PCDHGA9: variants seen among roughly 807,000 people sequenced by gnomAD.
PCDHGA9 encodes the protein protocadherin gamma-A9.
In PCDHGA9, 37 loss-of-function variants were observed where a neutral mutation model predicts 62.5. That is an observed-to-expected ratio of 0.59 (90% CI 0.46 to 0.78). The LOEUF (loss-of-function observed/expected upper bound fraction) is 0.78, where lower values mean the gene tolerates loss of function less well. Among genes scored for constraint, PCDHGA9 ranks in the 30% least tolerant of loss-of-function variants. The probability of loss-of-function intolerance (pLI) is 0.00; values close to 1 mark genes in which losing one functional copy is unlikely to be tolerated. For missense variants in PCDHGA9, 1,138 were observed against 1,166.2 expected (o/e 0.98, Z 0.35); for synonymous variants, 459 against 484.6 (o/e 0.95, Z 0.69).
intron 1 of PCDHGA9, chr5:141,416,389 T>A (rs2096020280): frequency 6.6e-6 from 1 of 152,236 alleles, no homozygotes; most frequent in Non-Finnish European, 1.5e-5. Context: ...TATTTGGGAT[T>A]CTGCTTTTGT....
Position 141,490,293 on chromosome 5 carries a change from A to G in PCDHGA9, c.2425-4514A>G, listed in dbSNP as rs1316965652. On this transcript the variant is annotated intron_variant, in intron 1 of 3. Transcript: ENST00000573521. The surrounding 1 kb of genome is among the most constrained non-coding windows in gnomAD (Gnocchi z 5.4). ...TCAATGACAATGCCCCAGAGGTGCTATTGGCCTCTTTGGCCAACCCTGTCC... is the reference window on the plus strand; with the variant it reads ...TCAATGACAATGCCCCAGAGGTGCTGTTGGCCTCTTTGGCCAACCCTGTCC... The G allele has an allele frequency of 1.2e-6, 2 of 1,614,190 alleles. No individual in the cohort carries two copies. The highest frequency in any genetic ancestry group is 8.5e-7 in the Non-Finnish European group (1 of 1,180,028).
At chr5:141,410,849 CT>C (rs759346998) in intron 1 of PCDHGA9, 9,989 of 137,410 alleles carry the variant, frequency 0.073, 1 homozygote, top group South Asian at 0.15. Context: ...TTGTCTTTGT[CT>C]TTTTTTTTTT....
Position 141,404,614 on chromosome 5 carries a change from C to T in PCDHGA9, c.1662C>T (p.Asp554=). 3.1e-6 allele frequency: 5 copies of T among 1,614,078 alleles called. No individual in the cohort carries two copies. The highest frequency in any genetic ancestry group is 4.2e-6 in the Non-Finnish European group (5 of 1,179,944). Residue 554 remains aspartate (D), a synonymous_variant, in exon 1 of 4, where the codon GAC becomes GAT. Transcript: ENST00000573521. ...SNVSLRLFVL[D]QNDNAPEILY... ...TGTCATTGAGACTGTTTGTTTTGGA[C>T]CAGAATGACAATGCCCCAGAAATCC... is the stretch of plus-strand genomic sequence containing the variant.
rs371490086 is a variant in PCDHGA9 at position 141,405,329 on chromosome 5, G to A, written c.2377G>A (p.Val793Ile). 241 of 1,614,168 alleles carry A rather than the reference G, an allele frequency of 1.5e-4. No individual in the cohort carries two copies. Among genetic ancestry groups the A allele is most frequent in the African/African-American group, 1.1e-3 (80 of 75,034 alleles). ...QSCEKNEPLC[V>I]SVDSKFPIED... The stretch of plus-strand genomic sequence containing the variant: ...CTGTGAGAAAAATGAGCCTTTGTGC[G>A]TCTCTGTTGATTCCAAGTTTCCTAT... The change falls in exon 1 of 4, where the codon GTC becomes ATC. Residue 793 changes from valine to isoleucine, a missense_variant. Val to Ile is a conservative substitution (Grantham distance 29, BLOSUM62 3). Coordinates refer to ENST00000573521, the MANE Select transcript of PCDHGA9 (RefSeq NM_018921.3).
intron 1 of PCDHGA9, among the ~76,000 whole-genome samples, chr5:141,457,912 C>T (rs991917175): frequency 1.3e-5 from 2 of 152,120 alleles, no homozygotes; most frequent in African/African-American, 4.8e-5. Context: ...GGTGTGAGGC[C>T]AGTTCTCCCC....
rs1055747392 is a variant in PCDHGA9 at position 141,490,298 on chromosome 5, C to G, written c.2425-4509C>G. 6.2e-7 allele frequency: 1 copy of G among 1,614,178 alleles called. No individual in the cohort carries two copies. The highest frequency in any genetic ancestry group is 1.3e-5 in the African/African-American group (1 of 75,036). On this transcript the variant is annotated intron_variant, in intron 1 of 3. Transcript: ENST00000573521. The surrounding 1 kb of genome is among the most constrained non-coding windows in gnomAD (Gnocchi z 5.4). ...GACAATGCCCCAGAGGTGCTATTGG[C>G]CTCTTTGGCCAACCCTGTCCTAGAG...
chr5:141,420,454 TATTCAAAGAC>T, intron 1 of PCDHGA9: 1 of 968,104 alleles, frequency 1.0e-6, no homozygotes, highest in Admixed American at 3.7e-5. Context: ...GTCTTCCTAC[TATTCAAAGAC>T]ATTTTAAAGC....
Position 141,413,494 on chromosome 5 carries a change from G to T in PCDHGA9, c.2424+8118G>T, listed in dbSNP as rs778441176. On this transcript the variant is annotated intron_variant, in intron 1 of 3. Transcript: ENST00000573521. ...GCTCTGCGCTCAGAGCGCGCGGTGCGTGGTGAGTTTTAATATCCTTGTGGA... is the reference window on the plus strand; with the variant it reads ...GCTCTGCGCTCAGAGCGCGCGGTGCTTGGTGAGTTTTAATATCCTTGTGGA... The T allele has an allele frequency of 5.0e-6, 8 of 1,614,042 alleles. No individual in the cohort carries two copies. The East Asian group carries it at 1.3e-4, about 27-fold the overall frequency.
chr5:141,428,376 A>G (rs2097136159), intron 1 of PCDHGA9: 2 of 528,068 alleles, frequency 3.8e-6, no homozygotes, highest in African/African-American at 1.9e-5. Flanking sequence ...TGCACCTGCG[A>G]TGCTCTTCCA....
chr5:141,458,825 C>A (rs1417477907), intron 1 of PCDHGA9, among the ~76,000 whole-genome samples: 1 of 152,102 alleles, frequency 6.6e-6, no homozygotes, highest in Non-Finnish European at 1.5e-5. Context: ...CTCTGCCTCC[C>A]AGGCTCAAGT....
chr5:141,405,031 C>T lies in PCDHGA9; in HGVS notation c.2079C>T (p.Leu693=), dbSNP rs760020802. The change falls in exon 1 of 4, where the codon CTC becomes CTT. Residue 693 remains leucine, a synonymous_variant. Coordinates refer to ENST00000573521, the MANE Select transcript of PCDHGA9 (RefSeq NM_018921.3). ...AGGCCTCAGACCTTACCCTCTACCT[C>T]GTTGTGGCTGTGGCAGTCGTCTCCT... is the stretch of plus-strand genomic sequence containing the variant. The part of the protein sequence containing the change: ...DLEASDLTLY[L]VVAVAVVSCV... 2.5e-6 allele frequency: 4 copies of T among 1,613,968 alleles called. No individual in the cohort carries two copies. Among genetic ancestry groups the T allele is most frequent in the South Asian group, 2.2e-5 (2 of 91,074 alleles).
At chr5:141,470,182 G>A (rs540599468) in intron 1 of PCDHGA9, among the ~76,000 whole-genome samples, 1 of 152,262 alleles carries the variant, frequency 6.6e-6, no homozygotes, top group Non-Finnish European at 1.5e-5. Context: ...AAATATTCAA[G>A]TAAACTTCAG....
Position 141,491,456 on chromosome 5 carries a change from C to A in PCDHGA9, c.2425-3351C>A. ...TGCAGGCGCCAGGACTCACCCTCCC[C>A]GGACTTCTATAAGCAGTCCAGCCCC... On this transcript the variant is annotated intron_variant, in intron 1 of 3. Coordinates refer to ENST00000573521, the MANE Select transcript of PCDHGA9 (RefSeq NM_018921.3). The surrounding 1 kb of genome is among the most constrained non-coding windows in gnomAD (Gnocchi z 6.9). 1.2e-6 allele frequency: 2 copies of A among 1,614,104 alleles called. No homozygotes were observed.
Position 141,431,953 on chromosome 5 carries a change from C to G in PCDHGA9, c.2424+26577C>G. 1.2e-6 allele frequency: 2 copies of G among 1,614,082 alleles called. No individual in the cohort carries two copies. Among genetic ancestry groups the G allele is most frequent in the East Asian group, 4.5e-5 (2 of 44,886 alleles). ...TGCCCTTTAAATTAGAAAAATCTTA[C>G]GGAAATTACTATAGTTTAGTCACAG... On this transcript the variant is annotated intron_variant, in intron 1 of 3. Transcript: ENST00000573521. The surrounding 1 kb of genome is among the most constrained non-coding windows in gnomAD (Gnocchi z 4.8).
chr5:141,406,647 A>G (rs2094834813), intron 1 of PCDHGA9, among the ~76,000 whole-genome samples: 1 of 152,182 alleles, frequency 6.6e-6, no homozygotes, highest in Non-Finnish European at 1.5e-5. Context: ...TAATTTCCTA[A>G]TGCTTTAATG....
Position 141,486,274 on chromosome 5 carries a change from T to A in PCDHGA9, c.2425-8533T>A. On this transcript the variant is annotated intron_variant, in intron 1 of 3. Coordinates refer to ENST00000573521, the MANE Select transcript of PCDHGA9 (RefSeq NM_018921.3). The surrounding 1 kb of genome is among the most constrained non-coding windows in gnomAD (Gnocchi z 5.0). ...TCCCCGAGAGTGCAGAACCTGGCAC[T>A]GTGGTGGCACTTATCAGTGTGCAGG... is the stretch of plus-strand genomic sequence containing the variant. 5 of 1,614,064 alleles carry A rather than the reference T, an allele frequency of 3.1e-6. No homozygotes were observed. The highest frequency in any genetic ancestry group is 4.2e-6 in the Non-Finnish European group (5 of 1,179,998).
chr5:141,432,940 T>C lies in PCDHGA9; in HGVS notation c.2424+27564T>C, dbSNP rs142546730. On this transcript the variant is annotated intron_variant, in intron 1 of 3. Transcript: ENST00000573521. This position sits in a 1 kb window ranked among gnomAD's most constrained non-coding sequence, Gnocchi z 6.0. ...GGCACAAGTCACGCCTGCTGCAGGC[T>C]TCAGGAGGCGGCTTGACAGGAGCGC... 6 of 1,614,208 alleles carry C rather than the reference T, an allele frequency of 3.7e-6. No individual in the cohort carries two copies. The highest frequency in any genetic ancestry group is 4.2e-6 in the Non-Finnish European group (5 of 1,180,040).
Position 141,510,974 on chromosome 5 carries a change from G to T in PCDHGA9, c.2600G>T (p.Gly867Val). The T allele has an allele frequency of 6.2e-7, 1 of 1,614,150 alleles. No homozygotes were observed. The highest frequency in any genetic ancestry group is 1.1e-5 in the South Asian group (1 of 91,088). ...SEAADGSSTL[G>V]GGAGTMGLSA... ...GCTGCTGATGGGAGCTCCACCCTGG[G>T]AGGGGGTGCCGGCACCATGGGATTG... is the stretch of plus-strand genomic sequence containing the variant. The change falls in exon 4 of 4, where the codon GGA becomes GTA. Residue 867 changes from glycine (G) to valine (V), a missense_variant. Physicochemically the swap from Gly to Val is moderately radical, Grantham distance 109. Transcript: ENST00000573521.
intron 1 of PCDHGA9, chr5:141,415,515 G>C: frequency 6.2e-7 from 1 of 1,614,152 alleles, no homozygotes; most frequent in Non-Finnish European, 8.5e-7. Flanking sequence ...CCAATTATGC[G>C]GACACGCTCA....
Sources: allele counts gnomAD v4.1 joint callset (sites outside exome capture counted in the v4.1 genomes callset), GRCh38; gene constraint gnomAD v4.1.1; non-coding constraint Gnocchi (gnomAD v3.1); transcripts MANE v1.5; gene names NCBI Gene and HGNC (gene_info 2026-07-23, HGNC 2026-07-21).